Variants in MYT1L observed in about 807,000 individuals in gnomAD.
The protein encoded by MYT1L is myelin transcription factor 1 like.
MYT1L carries 12 observed loss-of-function variants against 126.7 expected under a neutral mutation model. The ratio of observed to expected loss-of-function variants is 0.09; its 90% CI spans 0.06 to 0.15. MYT1L has a LOEUF of 0.15. Ranked by LOEUF, MYT1L falls within the 10% of genes least tolerant of loss-of-function variation. The pLI, the probability that MYT1L is intolerant of heterozygous loss-of-function variation, is 1.00. For missense variants in MYT1L, 979 were observed against 1,585.2 expected (o/e 0.62, Z 6.49); for synonymous variants, 541 against 604.2 (o/e 0.90, Z 1.53).
chr2:1,798,565 T>A (rs2034255768), intron 23 of MYT1L, among the ~76,000 whole-genome samples: 1 of 152,172 alleles, frequency 6.6e-6, no homozygotes. Context: ...CAGGTCTGCA[T>A]CCTCGTGTCA....
intron 2 of MYT1L, among the ~76,000 whole-genome samples, chr2:2,255,679 C>T (rs184401151): frequency 1.2e-3 from 177 of 152,252 alleles, no homozygotes; most frequent in African/African-American, 4.0e-3. Flanking sequence ...AGCTATTTGT[C>T]GCACATACCC....
chr2:1,956,722 CAAGTTGACAAGAGATAT>C (rs1467070900), intron 8 of MYT1L, among the ~76,000 whole-genome samples: 8 of 151,856 alleles, frequency 5.3e-5, no homozygotes, highest in Non-Finnish European at 8.8e-5. Flanking sequence ...GACAAGTTGA[CAAGTTGACAAGAGATAT>C]AAGTTGACAA....
intron 2 of MYT1L, among the ~76,000 whole-genome samples, chr2:2,232,309 A>G (rs1171997286): frequency 6.6e-6 from 1 of 152,228 alleles, no homozygotes; most frequent in Non-Finnish European, 1.5e-5. Context: ...GGCTTGGGTC[A>G]CCTGCAGTTA....
chr2:2,255,221 C>T (rs1213022518), intron 2 of MYT1L, among the ~76,000 whole-genome samples: 1 of 152,184 alleles, frequency 6.6e-6, no homozygotes, highest in Non-Finnish European at 1.5e-5. Flanking sequence ...TGCAGCTCCC[C>T]GTCCTGACAG....
At chr2:2,167,368 A>G (rs1224215252) in intron 3 of MYT1L, among the ~76,000 whole-genome samples, 3 of 152,112 alleles carry the variant, frequency 2.0e-5, no homozygotes, top group Middle Eastern at 3.2e-3. Flanking sequence ...TAAGCCCACC[A>G]CACACACCTT....
chr2:2,256,103 C>T (rs536576574), intron 2 of MYT1L, among the ~76,000 whole-genome samples: 2 of 152,216 alleles, frequency 1.3e-5, no homozygotes, highest in Non-Finnish European at 2.9e-5. Flanking sequence ...ACCATCTTCA[C>T]TCGCGTCGGG....
chr2:1,899,501 C>T (rs2050061287), intron 14 of MYT1L, among the ~76,000 whole-genome samples: 1 of 152,178 alleles, frequency 6.6e-6, no homozygotes, highest in South Asian at 2.1e-4. Flanking sequence ...ATGCTCAGTC[C>T]TCCTCCCCTC....
chr2:2,323,097 G>A (rs1414031769), intron 1 of MYT1L, among the ~76,000 whole-genome samples: 3 of 152,202 alleles, frequency 2.0e-5, no homozygotes, highest in Non-Finnish European at 2.9e-5. Context: ...AGAATGAGAG[G>A]GAAAATGATC....
chr2:1,922,191 C>G lies in MYT1L; in HGVS notation c.1483+95G>C, dbSNP rs1317841221. On this transcript the variant is annotated intron_variant, in intron 10 of 24. Transcript: ENST00000647738. This position sits in a 1 kb window ranked among gnomAD's most constrained non-coding sequence, Gnocchi z 7.4. ...AAGAATGTGCAGTAGAGACATAATT[C>G]AGTGTGAGTCACACTTTAACTGTAG... The G allele has an allele frequency of 2.1e-6, 3 of 1,452,086 alleles. No individual in the cohort carries two copies. Among genetic ancestry groups the G allele is most frequent in the Non-Finnish European group, 2.8e-6 (3 of 1,074,684 alleles). 90.0% of individuals were successfully genotyped at this position (1,452,086 alleles called of 1,614,324 possible).
intron 8 of MYT1L, among the ~76,000 whole-genome samples, chr2:1,945,533 T>C (rs1044235249): frequency 1.3e-5 from 2 of 152,112 alleles, no homozygotes; most frequent in African/African-American, 2.4e-5. Flanking sequence ...CAGGAGGAGC[T>C]TGCATTGCCC....
chr2:1,899,412 T>C (rs898750885), intron 14 of MYT1L, among the ~76,000 whole-genome samples: 6 of 152,252 alleles, frequency 3.9e-5, no homozygotes, highest in African/African-American at 1.4e-4. Context: ...AAGCCATTCT[T>C]AGCTCACCAT....
At chr2:2,252,627 G>A (rs946794791) in intron 2 of MYT1L, among the ~76,000 whole-genome samples, 2 of 152,180 alleles carry the variant, frequency 1.3e-5, no homozygotes, top group South Asian at 2.1e-4. Context: ...GCTGGTAGAT[G>A]GGCGGGGTGT....
At chr2:2,209,177 C>A (rs2093418388) in intron 2 of MYT1L, among the ~76,000 whole-genome samples, 1 of 152,176 alleles carries the variant, frequency 6.6e-6, no homozygotes, top group South Asian at 2.1e-4. Flanking sequence ...TACAGAAATG[C>A]AGTGCATAAT....
intron 1 of MYT1L, among the ~76,000 whole-genome samples, chr2:2,301,825 TAAAAAAA>T (rs375520368): frequency 2.1e-5 from 2 of 96,902 alleles, no homozygotes; most frequent in African/African-American, 7.9e-5. Flanking sequence ...CCTGTCTGTC[TAAAAAAA>T]AAAAAAAAAA....
At chr2:2,101,338 G>A (rs1245380158) in intron 3 of MYT1L, among the ~76,000 whole-genome samples, 1 of 152,040 alleles carries the variant, frequency 6.6e-6, no homozygotes, top group African/African-American at 2.4e-5. Context: ...CCATTCACAT[G>A]ACTGTATGCT....
At chr2:1,953,749 G>C (rs2058093275) in intron 8 of MYT1L, among the ~76,000 whole-genome samples, 1 of 152,180 alleles carries the variant, frequency 6.6e-6, no homozygotes. Context: ...CAGTGCTTCG[G>C]TGTGTTTCTA....
intron 8 of MYT1L, among the ~76,000 whole-genome samples, chr2:1,970,866 G>C (rs968873487): frequency 1.5e-4 from 23 of 152,128 alleles, no homozygotes; most frequent in Admixed American, 4.6e-4. Flanking sequence ...TTAATTATTA[G>C]TTCAAGAAAT....
chr2:2,074,771 G>C (rs1431960879), intron 3 of MYT1L, among the ~76,000 whole-genome samples: 1 of 152,160 alleles, frequency 6.6e-6, no homozygotes, highest in Admixed American at 6.5e-5. Flanking sequence ...AAAATACTCA[G>C]TTGAAGAAGA....
intron 2 of MYT1L, among the ~76,000 whole-genome samples, chr2:2,202,597 C>T (rs898589590): frequency 1.3e-5 from 2 of 152,192 alleles, no homozygotes; most frequent in African/African-American, 4.8e-5. Context: ...CTGAATAGAC[C>T]AATAACAGGC....
Sources: gnomAD v4.1 joint callset for allele counts (sites outside exome capture counted in the v4.1 genomes callset) on GRCh38, gnomAD v4.1.1 for gene constraint, Gnocchi (gnomAD v3.1) non-coding constraint, MANE v1.5 for transcripts, NCBI Gene and HGNC (gene_info 2026-07-23, HGNC 2026-07-21) for gene names.